The following UHRF2 variants were observed in gnomAD, a reference collection of about 807,000 sequenced individuals.
The protein encoded by UHRF2 is E3 ubiquitin-protein ligase UHRF2.
UHRF2 carries 23 observed loss-of-function variants against 96.8 expected under a neutral mutation model. That is an observed-to-expected ratio of 0.24 (90% CI 0.17 to 0.34). The LOEUF is 0.34. Ranked by LOEUF, UHRF2 falls within the 10% of genes least tolerant of loss-of-function variation. The pLI is 1.00. For missense variants in UHRF2, 685 were observed against 981.5 expected (o/e 0.70, Z 4.04); for synonymous variants, 385 against 332.6 (o/e 1.16, Z -1.72).
In UHRF2 at chr9:6,486,874, T is replaced by C; in HGVS notation, c.1446T>C (p.Ser482=). 6.2e-7 allele frequency: 1 copy of C among 1,614,190 alleles called. No homozygotes were observed. Among genetic ancestry groups the C allele is most frequent in the Non-Finnish European group, 8.5e-7 (1 of 1,180,018 alleles). ...RPHVGGIHGR[S]NDGAYSLVLA... ...ATGTTGGTGGAATTCATGGTCGAAG[T>C]AATGATGGGGCTTATTCTCTTGTAC... The change falls in exon 9 of 16, where the codon AGT becomes AGC. Residue 482 remains serine (S), a synonymous_variant. Coordinates refer to ENST00000276893, the MANE Select transcript of UHRF2 (RefSeq NM_152896.3).
intron 6 of UHRF2, among the ~76,000 whole-genome samples, chr9:6,478,755 C>G (rs1175625316): frequency 1.3e-5 from 2 of 152,110 alleles, no homozygotes; most frequent in African/African-American, 2.4e-5. Context: ...TTCCTTTGAT[C>G]TCTCCCTAAC....
rs1005660385 is a variant in UHRF2, at chr9:6,497,310, A to T, written c.1717A>T (p.Ile573Phe). ...RVIRSFKGRK[I>F]SKYAPEEGNR... The stretch of plus-strand genomic sequence containing the variant: ...GATACGCAGTTTTAAAGGGAGGAAG[A>T]TCAGCAAATATGCTCCTGAAGAAGG... Residue 573 changes from isoleucine to phenylalanine, a missense_variant, in exon 11 of 16, where the codon ATC (isoleucine) becomes TTC (phenylalanine). Transcript: ENST00000276893. 1 of 1,613,936 alleles carries T rather than the reference A, an allele frequency of 6.2e-7. No individual in the cohort carries two copies. The highest frequency in any genetic ancestry group is 1.3e-5 in the African/African-American group (1 of 74,910).
intron 1 of UHRF2, among the ~76,000 whole-genome samples, chr9:6,417,879 T>C (rs1190269984): frequency 6.6e-6 from 1 of 152,192 alleles, no homozygotes; most frequent in African/African-American, 2.4e-5. Flanking sequence ...AACCAGGAGC[T>C]GACTGTAGAA....
intron 4 of UHRF2, among the ~76,000 whole-genome samples, chr9:6,472,252 C>G (rs1419170921): frequency 6.6e-6 from 1 of 151,998 alleles, no homozygotes; most frequent in Non-Finnish European, 1.5e-5. Context: ...TAGCTGCTAG[C>G]AAAAAGTGAA....
intron 3 of UHRF2, among the ~76,000 whole-genome samples, chr9:6,440,271 T>C (rs560522525): frequency 1.3e-5 from 2 of 152,334 alleles, no homozygotes; most frequent in East Asian, 3.9e-4. Context: ...GAGAATGTTG[T>C]CTTATGTGCC....
At chr9:6,488,530 T>C (rs1407017695) in intron 9 of UHRF2, among the ~76,000 whole-genome samples, 4 of 145,000 alleles carry the variant, frequency 2.8e-5, no homozygotes, top group African/African-American at 1.0e-4. Flanking sequence ...ATCTTTTCTC[T>C]TTTTCTTTTC....
At chr9:6,456,083 A>T (rs1332215596) in intron 3 of UHRF2, among the ~76,000 whole-genome samples, 1 of 152,266 alleles carries the variant, frequency 6.6e-6, no homozygotes, top group African/African-American at 2.4e-5. Flanking sequence ...AAATATACGT[A>T]CAGCCAAGTT....
chr9:6,424,903 A>T (rs575901820), intron 2 of UHRF2, among the ~76,000 whole-genome samples: 1 of 151,892 alleles, frequency 6.6e-6, no homozygotes, highest in Admixed American at 6.6e-5. Flanking sequence ...GGGGAGGAAG[A>T]CCGCAGAGGT....
intron 4 of UHRF2, among the ~76,000 whole-genome samples, chr9:6,469,475 G>A (rs1016081611): frequency 1.3e-5 from 2 of 151,570 alleles, no homozygotes; most frequent in Admixed American, 6.6e-5. Flanking sequence ...CCAAGATTGC[G>A]CCACTGCACT....
chr9:6,436,645 T>C (rs1489497949), intron 3 of UHRF2, among the ~76,000 whole-genome samples: 1 of 152,186 alleles, frequency 6.6e-6, no homozygotes, highest in Admixed American at 6.5e-5. Context: ...GCTTATTAAA[T>C]TTTACAGTTT....
rs562846353 is a variant in UHRF2 at position 6,477,565 on chromosome 9, T to C, written c.974-57T>C. 11 of 1,473,478 alleles carry C rather than the reference T, an allele frequency of 7.5e-6. No homozygotes were observed. The African/African-American group carries it at 1.6e-4, about 21-fold the overall frequency. The allele number at this position is 1,473,478 out of a possible 1,614,324, so 91.3% of individuals were successfully genotyped here. The stretch of plus-strand genomic sequence containing the variant: ...TTTCCATGGGCTTTTCTTTATGAGA[T>C]TCATAGATATAAAAAATGTTTTAAG... On this transcript the variant is annotated intron_variant, in intron 5 of 15. Coordinates refer to ENST00000276893, the MANE Select transcript of UHRF2 (RefSeq NM_152896.3).
chr9:6,452,324 C>G (rs1821923471), intron 3 of UHRF2, among the ~76,000 whole-genome samples: 1 of 152,152 alleles, frequency 6.6e-6, no homozygotes, highest in Non-Finnish European at 1.5e-5. Flanking sequence ...ATTCCTGGGT[C>G]AGAAAGCAAA....
Position 6,421,000 on chromosome 9 carries a change from C to A in UHRF2, c.242C>A (p.Pro81His). Residue 81 changes from proline to histidine, a missense_variant, in exon 2 of 16, where the codon CCT (proline) becomes CAT (histidine). Pro to His is a moderately conservative substitution (Grantham distance 77). This residue lies in a region of UHRF2 where 391 missense variants were observed against 437.0 expected (regional missense o/e 0.89). Coordinates refer to ENST00000276893, the MANE Select transcript of UHRF2 (RefSeq NM_152896.3). The part of the protein sequence containing the change: ...LLVRPDPDHL[P>H]GTSTQIEAKP... Reference sequence around the variant, plus strand: ...GTTCGCCCAGACCCTGATCATCTTCCTGGCACATCTACACAGATTGAGGCT... The same window carrying A: ...GTTCGCCCAGACCCTGATCATCTTCATGGCACATCTACACAGATTGAGGCT... 6.2e-7 allele frequency: 1 copy of A among 1,614,060 alleles called. No homozygotes were observed. Among genetic ancestry groups the A allele is most frequent in the South Asian group, 1.1e-5 (1 of 91,070 alleles).
At chr9:6,417,968 A>G (rs995013430) in intron 1 of UHRF2, among the ~76,000 whole-genome samples, 1 of 152,138 alleles carries the variant, frequency 6.6e-6, no homozygotes, top group Non-Finnish European at 1.5e-5. Flanking sequence ...CAGTTTTATC[A>G]CTTTAACTGC....
intron 4 of UHRF2, among the ~76,000 whole-genome samples, chr9:6,461,141 A>C (rs1270650801): frequency 2.0e-5 from 3 of 152,182 alleles, no homozygotes; most frequent in African/African-American, 7.2e-5. Context: ...TTGATGTAAT[A>C]GCAGTGGATG....
At chr9:6,471,840 A>G (rs993360495) in intron 4 of UHRF2, among the ~76,000 whole-genome samples, 2 of 152,186 alleles carry the variant, frequency 1.3e-5, no homozygotes, top group Non-Finnish European at 2.9e-5. Context: ...ATTGAGAAGA[A>G]ACTGGTGGGA....
chr9:6,445,104 T>G (rs1292592576), intron 3 of UHRF2, among the ~76,000 whole-genome samples: 1 of 122,780 alleles, frequency 8.1e-6, no homozygotes, highest in Non-Finnish European at 1.6e-5. Context: ...CAGCTTGGAC[T>G]ACATAGCAAA....
intron 3 of UHRF2, among the ~76,000 whole-genome samples, chr9:6,453,504 A>G (rs1283560195): frequency 1.3e-5 from 2 of 152,242 alleles, no homozygotes; most frequent in African/African-American, 4.8e-5. Context: ...ACAACTGTGG[A>G]ATTAGAAAAG....
At chr9:6,435,878 G>T (rs1004562403) in intron 3 of UHRF2, among the ~76,000 whole-genome samples, 1 of 152,138 alleles carries the variant, frequency 6.6e-6, no homozygotes, top group Admixed American at 6.6e-5. Flanking sequence ...CAAAATGCTG[G>T]GATTACAGGC....
Sources: allele counts gnomAD v4.1 joint callset (sites outside exome capture counted in the v4.1 genomes callset), GRCh38; gene constraint gnomAD v4.1.1; regional missense constraint gnomAD v4.1.1; transcripts MANE v1.5; gene names NCBI Gene and HGNC (gene_info 2026-07-23, HGNC 2026-07-21).